The following FHIT variants were observed in gnomAD, a reference collection of about 807,000 sequenced individuals.
FHIT encodes the protein bis(5'-adenosyl)-triphosphatase.
Under a neutral mutation model 17.9 loss-of-function variants are expected in FHIT, and 19 were observed. The ratio of observed to expected loss-of-function variants is 1.06; its 90% confidence interval spans 0.74 to 1.56. The LOEUF (loss-of-function observed/expected upper bound fraction) is 1.56, where lower values mean the gene tolerates loss of function less well. Ranked by LOEUF, FHIT falls within the 40% of genes most tolerant of loss-of-function variation. FHIT has a pLI of 0.00. For missense variants in FHIT, 248 were observed against 189.2 expected, an observed-to-expected ratio of 1.31 and a Z score of -1.82; for synonymous variants, 81 against 69.7, an observed-to-expected ratio of 1.16 and a Z score of -0.81.
chr3:60,205,555 T>G (rs2107503463), intron 5 of FHIT, among the ~76,000 whole-genome samples: 1 of 152,116 alleles, frequency 6.6e-6, no homozygotes, highest in South Asian at 2.1e-4. Context: ...GTTGGGGAGT[T>G]CAAAAGGAAG....
chr3:60,870,971 G>A (rs531974806), intron 3 of FHIT, among the ~76,000 whole-genome samples: 17 of 152,116 alleles, frequency 1.1e-4, no homozygotes, highest in Middle Eastern at 3.4e-3. Context: ...GCATTTCCTC[G>A]TTGATGTCTA....
chr3:59,916,884 A>C (rs1334956790), intron 8 of FHIT, among the ~76,000 whole-genome samples: 2 of 152,228 alleles, frequency 1.3e-5, no homozygotes, highest in Admixed American at 1.3e-4. Context: ...GAGACACCAA[A>C]GTTTTCATTC....
intron 8 of FHIT, among the ~76,000 whole-genome samples, chr3:59,800,819 G>T (rs1317846084): frequency 6.6e-6 from 1 of 152,088 alleles, no homozygotes; most frequent in Non-Finnish European, 1.5e-5. Flanking sequence ...ACCACAACAG[G>T]ACAGGAGTGC....
chr3:60,841,064 G>C (rs1466945740), intron 3 of FHIT, among the ~76,000 whole-genome samples: 1 of 151,944 alleles, frequency 6.6e-6, no homozygotes, highest in East Asian at 1.9e-4. Context: ...CTTCTGTTTC[G>C]GGTCATTATT....
rs2039150717 is a variant in FHIT, at chr3:61,204,657, T to C, written c.-212-3992A>G. On this transcript the variant is annotated intron_variant, in intron 1 of 9. Transcript: ENST00000492590. ...AAACGAATGTTTTAAAATCTTGCTA[T>C]GTGTTGTTTATAAGAAACAAATTTA... Among the ~76,000 whole-genome samples the C allele has an allele frequency of 2.0e-5, 3 of 152,126 alleles. No individual in the cohort carries two copies. In the South Asian group the frequency reaches 6.2e-4, roughly 32 times the overall value.
At chr3:60,221,035 T>G (rs9880785) in intron 5 of FHIT, among the ~76,000 whole-genome samples, 9,289 of 152,146 alleles carry the variant, frequency 0.061, 393 homozygotes, top group African/African-American at 0.12. Context: ...AATAACACAT[T>G]TGGTATATGA....
At chr3:60,897,162 A>C (rs1705864778) in intron 3 of FHIT, among the ~76,000 whole-genome samples, 1 of 152,224 alleles carries the variant, frequency 6.6e-6, no homozygotes, top group Non-Finnish European at 1.5e-5. Context: ...ACACTACTGC[A>C]TTAATGTATT....
At chr3:60,907,892 T>C (rs1706520469) in intron 3 of FHIT, among the ~76,000 whole-genome samples, 2 of 152,356 alleles carry the variant, frequency 1.3e-5, no homozygotes, top group South Asian at 2.1e-4. Flanking sequence ...ATACCACATA[T>C]ATCCATTTTA....
intron 4 of FHIT, among the ~76,000 whole-genome samples, chr3:60,676,461 C>T (rs1161193891): frequency 6.6e-6 from 1 of 152,134 alleles, no homozygotes; most frequent in Non-Finnish European, 1.5e-5. Context: ...ATTTGTTCAA[C>T]ATGTTTTCAT....
intron 5 of FHIT, among the ~76,000 whole-genome samples, chr3:60,096,385 G>A (rs1401262350): frequency 1.3e-5 from 2 of 152,008 alleles, no homozygotes; most frequent in Admixed American, 6.6e-5. Context: ...GGTAGTACTC[G>A]AAAAAGCAAC....
chr3:59,848,612 G>A (rs1701811745), intron 8 of FHIT, among the ~76,000 whole-genome samples: 1 of 152,122 alleles, frequency 6.6e-6, no homozygotes, highest in Admixed American at 6.6e-5. Flanking sequence ...AATTCCCAAA[G>A]TACTTACATT....
At chr3:60,488,838 C>T (rs1282182150) in intron 5 of FHIT, among the ~76,000 whole-genome samples, 1 of 152,116 alleles carries the variant, frequency 6.6e-6, no homozygotes, top group Non-Finnish European at 1.5e-5. Context: ...GAAGGAAAAT[C>T]AAGATAAAAA....
intron 5 of FHIT, among the ~76,000 whole-genome samples, chr3:60,276,442 G>A (rs1181228258): frequency 6.6e-6 from 1 of 152,164 alleles, no homozygotes; most frequent in Non-Finnish European, 1.5e-5. Flanking sequence ...AGGTGCAAAA[G>A]ATATCAGAGT....
chr3:60,307,441 GATACAGGGGAATATGAACTGGAAGAA>G, intron 5 of FHIT, among the ~76,000 whole-genome samples: 1 of 152,158 alleles, frequency 6.6e-6, no homozygotes. Flanking sequence ...CATTCTCACT[GATACAGGGGAATATGAACTGGAAGAA>G]GGATTGAATG....
At chr3:60,671,675 C>T (rs1553693900) in intron 4 of FHIT, among the ~76,000 whole-genome samples, 1 of 151,622 alleles carries the variant, frequency 6.6e-6, no homozygotes, top group East Asian at 1.9e-4. Context: ...TGCAGTGGCT[C>T]ATGCCTGTAA....
chr3:60,714,147 G>A (rs1404654461), intron 4 of FHIT, among the ~76,000 whole-genome samples: 9 of 152,162 alleles, frequency 5.9e-5, no homozygotes, highest in Non-Finnish European at 1.0e-4. Flanking sequence ...ATCAATAAAT[G>A]TAATCCAGCA....
At chr3:60,612,993 G>C (rs2038832303) in intron 4 of FHIT, among the ~76,000 whole-genome samples, 1 of 152,110 alleles carries the variant, frequency 6.6e-6, no homozygotes, top group African/African-American at 2.4e-5. Context: ...CCATTTAGAG[G>C]ATTAACAGCC....
intron 7 of FHIT, among the ~76,000 whole-genome samples, chr3:59,974,168 T>C (rs1490536504): frequency 6.6e-6 from 1 of 152,096 alleles, no homozygotes; most frequent in East Asian, 1.9e-4. Context: ...AGAGTTACCA[T>C]TGCCTGTCTA....
chr3:60,481,814 C>A (rs1237213214), intron 5 of FHIT, among the ~76,000 whole-genome samples: 2 of 152,096 alleles, frequency 1.3e-5, no homozygotes, highest in Non-Finnish European at 1.5e-5. Context: ...GGATCAAATT[C>A]ACACATAACA....
Sources: gnomAD v4.1 joint callset for allele counts (sites outside exome capture counted in the v4.1 genomes callset) on GRCh38, gnomAD v4.1.1 for gene constraint, MANE v1.5 for transcripts, NCBI Gene and HGNC (gene_info 2026-07-23, HGNC 2026-07-21) for gene names.